TBCK: variants seen among roughly 807,000 people sequenced by gnomAD.
The protein encoded by TBCK is TBC1 domain containing kinase.
In TBCK, 99 loss-of-function variants were observed where a neutral mutation model predicts 113.4. That is an observed-to-expected ratio of 0.87 (90% confidence interval 0.74 to 1.03). The LOEUF is 1.03. Among genes scored for constraint, TBCK ranks in the 50% least tolerant of loss-of-function variants. The probability of loss-of-function intolerance (pLI) is 0.00; values close to 1 mark genes in which losing one functional copy is unlikely to be tolerated. For synonymous variants in TBCK, 369 were observed against 370.8 expected, an observed-to-expected ratio of 1.00 and a Z score of 0.05; for missense variants, 1,045 against 1,061.3, an observed-to-expected ratio of 0.98 and a Z score of 0.21.
Position 106,236,809 on chromosome 4 carries a change from C to A in TBCK, c.1171-1G>T. 6.6e-7 allele frequency: 1 copy of A among 1,504,358 alleles called. No homozygotes were observed. Among genetic ancestry groups the A allele is most frequent in the South Asian group, 1.4e-5 (1 of 72,098 alleles). 93.2% of individuals were successfully genotyped at this position (1,504,358 alleles called of 1,614,324 possible). A position where few individuals can be genotyped will look rare whatever the true frequency, so the allele number is the denominator to read the frequency against. ...CTTCTCCACCAACATCTTTCAATCT[C>A]TGTGTATTTAAAGACAAAATATTTA... On this transcript the variant is annotated splice_acceptor_variant, in intron 12 of 25. Coordinates refer to ENST00000394708, the MANE Select transcript of TBCK (RefSeq NM_001163435.3). LOFTEE classifies it high-confidence loss of function.
At chr4:106,059,946 A>T (rs1204770274) in intron 25 of TBCK, among the ~76,000 whole-genome samples, 1 of 151,796 alleles carries the variant, frequency 6.6e-6, no homozygotes, top group Admixed American at 6.6e-5. Context: ...TGTGGTCTGG[A>T]TAGGAGATCA....
At chr4:106,229,495 A>G (rs1450226556) in intron 19 of TBCK, among the ~76,000 whole-genome samples, 1 of 152,014 alleles carries the variant, frequency 6.6e-6, no homozygotes, top group Non-Finnish European at 1.5e-5. Flanking sequence ...TATTTGTTGA[A>G]GAGACTTTAA....
At position 106,286,778 on chromosome 4, in the gene TBCK, G is replaced by A. The variant is rs866354376; in HGVS notation, c.266+8316C>T. Reference sequence around the variant, plus strand: ...GGAGGTCAAGGCTACAGTAAGCAGCGATCACAGTAAGCGAGGTCAAGGCTA... The same window carrying A: ...GGAGGTCAAGGCTACAGTAAGCAGCAATCACAGTAAGCGAGGTCAAGGCTA... On this transcript the variant is annotated intron_variant, in intron 3 of 25. Transcript: ENST00000394708. Among the ~76,000 whole-genome samples, 15 of 151,392 alleles carry A rather than the reference G, an allele frequency of 9.9e-5. No individual in the cohort carries two copies. In the Admixed American group the frequency reaches 9.9e-4, roughly 10 times the overall value.
intron 24 of TBCK, among the ~76,000 whole-genome samples, chr4:106,114,415 C>G (rs1743239661): frequency 6.6e-6 from 1 of 152,214 alleles, no homozygotes. Flanking sequence ...CCATGCATGA[C>G]TGCTATCTCC....
chr4:106,050,822 C>T (rs1245976508), intron 25 of TBCK, among the ~76,000 whole-genome samples: 1 of 151,940 alleles, frequency 6.6e-6, no homozygotes, highest in East Asian at 1.9e-4. Flanking sequence ...TTCCAGACCT[C>T]ATTTTTGTGG....
At chr4:106,305,411 AATGT>A (rs1270364939) in intron 2 of TBCK, among the ~76,000 whole-genome samples, 2 of 152,140 alleles carry the variant, frequency 1.3e-5, no homozygotes, top group Non-Finnish European at 2.9e-5. Flanking sequence ...AAAATGAATG[AATGT>A]AAGCAAATAA....
chr4:106,308,903 G>A lies in TBCK; in HGVS notation c.58C>T (p.Pro20Ser), dbSNP rs1193957323. The A allele has an allele frequency of 6.2e-7, 1 of 1,614,110 alleles. No individual in the cohort carries two copies. The highest frequency in any genetic ancestry group is 1.7e-5 in the Admixed American group (1 of 60,018). ...GAFTFFASAL[P>S]HDVCGSNGLP... is the part of the protein sequence containing the mutation. ...CCATTGCTTCCACAAACATCATGTG[G>A]CAGAGCCGAGGCAAAGAAGGTAAAG... The change falls in exon 2 of 26, where the codon CCA (proline) becomes TCA (serine). Residue 20 changes from proline to serine, a missense_variant. Coordinates refer to ENST00000394708, the MANE Select transcript of TBCK (RefSeq NM_001163435.3).
chr4:106,264,880 T>A (rs1762840726), intron 3 of TBCK, among the ~76,000 whole-genome samples: 1 of 151,998 alleles, frequency 6.6e-6, no homozygotes, highest in Admixed American at 6.6e-5. Context: ...ATCTTATTCT[T>A]GCCTTTAAAC....
chr4:106,136,022 T>C (rs1425259436), intron 23 of TBCK, among the ~76,000 whole-genome samples: 1 of 141,576 alleles, frequency 7.1e-6, no homozygotes, highest in Non-Finnish European at 1.6e-5. Context: ...AAGAATGAAA[T>C]AGAAATGGGA....
rs761546972 is a variant in TBCK, at chr4:106,187,561, C to T, written c.2059+6048G>A. On this transcript the variant is annotated intron_variant, in intron 22 of 25. Transcript: ENST00000394708. ...CCTCCTGAGTAGCCAGAATTACAGG[C>T]GCATGCCACCACGCCCAACTAATTT... is the stretch of plus-strand genomic sequence containing the variant. Among the ~76,000 whole-genome samples the T allele has an allele frequency of 5.3e-5, 8 of 151,992 alleles. No homozygotes were observed. The South Asian group carries it at 1.0e-3, about 20-fold the overall frequency.
At chr4:106,216,433 T>C (rs1756932079) in intron 19 of TBCK, among the ~76,000 whole-genome samples, 1 of 152,092 alleles carries the variant, frequency 6.6e-6, no homozygotes, top group Non-Finnish European at 1.5e-5. Flanking sequence ...CAGGAGCTGG[T>C]TTTCTGAAAG....
chr4:106,309,197 T>C lies in TBCK; in HGVS notation c.-29-208A>G, dbSNP rs141875493. On this transcript the variant is annotated intron_variant, in intron 1 of 25. Coordinates refer to ENST00000394708, the MANE Select transcript of TBCK (RefSeq NM_001163435.3). Reference sequence around the variant, plus strand: ...AGCTCTAAATCAAACTCTAAGATTTTCAATGGCATAAAAAAGAAAAGATTA... The same window carrying C: ...AGCTCTAAATCAAACTCTAAGATTTCCAATGGCATAAAAAAGAAAAGATTA... Among the ~76,000 whole-genome samples, 23 of 152,142 alleles carry C rather than the reference T, an allele frequency of 1.5e-4. No homozygotes were observed. In the South Asian group the frequency reaches 1.9e-3, roughly 12 times the overall value.
At chr4:106,151,351 C>T (rs1044119548) in intron 23 of TBCK, among the ~76,000 whole-genome samples, 1 of 151,898 alleles carries the variant, frequency 6.6e-6, no homozygotes, top group Non-Finnish European at 1.5e-5. Context: ...TCAACACACA[C>T]CCCACCCCCA....
intron 6 of TBCK, 56 bp downstream of exon 6, chr4:106,251,810 T>C: frequency 7.2e-7 from 1 of 1,386,530 alleles, no homozygotes; most frequent in Non-Finnish European, 9.5e-7. Flanking sequence ...CTCCAAAAGA[T>C]TATTCCAATA....
chr4:106,099,274 T>G (rs924079464), intron 24 of TBCK, among the ~76,000 whole-genome samples: 1 of 152,104 alleles, frequency 6.6e-6, no homozygotes, highest in Non-Finnish European at 1.5e-5. Context: ...CCAGCTCATG[T>G]TTTTTTACAT....
chr4:106,289,483 T>C (rs1404222478), intron 3 of TBCK, among the ~76,000 whole-genome samples: 1 of 152,092 alleles, frequency 6.6e-6, no homozygotes, highest in African/African-American at 2.4e-5. Flanking sequence ...ATGAAGACAA[T>C]TGATCAGCCA....
At chr4:106,280,652 A>T (rs771450396) in intron 3 of TBCK, among the ~76,000 whole-genome samples, 6 of 152,096 alleles carry the variant, frequency 3.9e-5, no homozygotes, top group Non-Finnish European at 7.4e-5. Context: ...TGCATACAGA[A>T]ATCCAGTTTC....
chr4:106,180,120 CAAAGGT>C (rs1397616944), intron 22 of TBCK, among the ~76,000 whole-genome samples: 1 of 151,830 alleles, frequency 6.6e-6, no homozygotes, highest in Non-Finnish European at 1.5e-5. Flanking sequence ...TGCATGTCTT[CAAAGGT>C]AGAGTTTCTT....
intron 25 of TBCK, among the ~76,000 whole-genome samples, chr4:106,094,515 T>A (rs1740693073): frequency 6.6e-6 from 1 of 151,556 alleles, no homozygotes; most frequent in South Asian, 2.1e-4. Flanking sequence ...AAAAAAAAAA[T>A]AAAGTTTTAA....
Sources: gnomAD v4.1 joint callset for allele counts (sites outside exome capture counted in the v4.1 genomes callset) on GRCh38, gnomAD v4.1.1 for gene constraint, MANE v1.5 for transcripts, NCBI Gene and HGNC (gene_info 2026-07-23, HGNC 2026-07-21) for gene names.